PRKN: variants seen among roughly 807,000 people sequenced by gnomAD.
PRKN encodes parkin RBR E3 ubiquitin protein ligase, also known as E3 ubiquitin-protein ligase parkin.
PRKN carries 56 observed loss-of-function variants against 59.5 expected under a neutral mutation model. That is an observed-to-expected ratio of 0.94 (90% confidence interval 0.76 to 1.18). The LOEUF (loss-of-function observed/expected upper bound fraction) is 1.18, where lower values mean the gene tolerates loss of function less well. Among genes scored for constraint, PRKN ranks in the 50% most tolerant of loss-of-function variants. PRKN has a pLI of 0.00. For missense variants in PRKN, 657 were observed against 596.4 expected (o/e 1.10, Z -1.06); for synonymous variants, 250 against 222.1 (o/e 1.13, Z -1.12).
chr6:161,803,663 C>G (rs184254544), intron 6 of PRKN, among the ~76,000 whole-genome samples: 40 of 152,320 alleles, frequency 2.6e-4, no homozygotes, highest in African/African-American at 9.4e-4. Context: ...TGCCCGGTTT[C>G]TTAGTACTCA....
intron 4 of PRKN, among the ~76,000 whole-genome samples, chr6:162,104,885 G>A (rs1430464946): frequency 1.3e-5 from 2 of 152,274 alleles, no homozygotes; most frequent in African/African-American, 2.4e-5. Flanking sequence ...AAATCAGAGA[G>A]GGGAGAATAT....
intron 1 of PRKN, among the ~76,000 whole-genome samples, chr6:162,716,741 A>G (rs1342901555): frequency 1.3e-5 from 2 of 151,616 alleles, no homozygotes; most frequent in Non-Finnish European, 2.9e-5. Context: ...CAACTAGTCC[A>G]TACACCCTAC....
At chr6:162,051,794 G>C (rs1777657221) in intron 5 of PRKN, among the ~76,000 whole-genome samples, 1 of 152,148 alleles carries the variant, frequency 6.6e-6, no homozygotes, top group Admixed American at 6.5e-5. Context: ...CACTACCCTG[G>C]AGCAAATCCA....
intron 7 of PRKN, among the ~76,000 whole-genome samples, chr6:161,769,312 C>G (rs1205314564): frequency 6.6e-6 from 1 of 151,954 alleles, no homozygotes; most frequent in Non-Finnish European, 1.5e-5. Context: ...TTTTATATAC[C>G]ATCTGATTTA....
chr6:161,638,374 AT>A (rs2128157477), intron 7 of PRKN, among the ~76,000 whole-genome samples: 1 of 152,228 alleles, frequency 6.6e-6, no homozygotes, highest in Non-Finnish European at 1.5e-5. Flanking sequence ...AGCTCAGGCA[AT>A]CTTCCTGCCT....
At chr6:161,871,054 A>AT (rs1794321542) in intron 6 of PRKN, among the ~76,000 whole-genome samples, 1 of 133,634 alleles carries the variant, frequency 7.5e-6, no homozygotes, top group Non-Finnish European at 1.6e-5. Flanking sequence ...GAGGATGAGG[A>AT]GAGAGAGAGA....
chr6:162,485,229 G>T (rs551535299), intron 1 of PRKN, among the ~76,000 whole-genome samples: 1 of 152,170 alleles, frequency 6.6e-6, no homozygotes, highest in African/African-American at 2.4e-5. Flanking sequence ...TCAATTCAAA[G>T]CTCATGATCA....
At chr6:162,060,565 C>A (rs1282532530) in intron 4 of PRKN, among the ~76,000 whole-genome samples, 1 of 152,142 alleles carries the variant, frequency 6.6e-6, no homozygotes, top group Non-Finnish European at 1.5e-5. Context: ...ATCTGAAAGC[C>A]ATTTTGGCTA....
rs2315550 is a variant in PRKN at position 161,640,337 on chromosome 6, T to A, written c.872-70921A>T. On this transcript the variant is annotated intron_variant, in intron 7 of 11. Transcript: ENST00000366898. The stretch of plus-strand genomic sequence containing the variant: ...GCTTCTAAAACATATACAGATAAAG[T>A]GAAAATTCCAAAACTTTATGGAGCA... Among the ~76,000 whole-genome samples, 76 of 151,942 alleles carry A rather than the reference T, an allele frequency of 5.0e-4. 2 individuals are homozygous for A. The highest frequency in any genetic ancestry group is 6.8e-3 in the Middle Eastern group (2 of 294).
At chr6:162,111,810 C>A (rs1157571231) in intron 4 of PRKN, among the ~76,000 whole-genome samples, 1 of 152,144 alleles carries the variant, frequency 6.6e-6, no homozygotes, top group Non-Finnish European at 1.5e-5. Flanking sequence ...AGCCTCTGAG[C>A]AGCTGGATTT....
At position 162,384,656 on chromosome 6, in the gene PRKN, A is replaced by AAC. The variant is rs796081376; in HGVS notation, c.171+58653_171+58654insGT. Among the ~76,000 whole-genome samples the AAC allele has an allele frequency of 5.2e-3, 744 of 144,034 alleles. 6 individuals carry two copies. Among genetic ancestry groups the AAC allele is most frequent in the African/African-American group, 0.018 (711 of 38,748 alleles). The allele number at this position is 144,034 out of a possible 152,430, so 94.5% of individuals were successfully genotyped here. A position where few individuals can be genotyped will look rare whatever the true frequency, so the allele number is the denominator to read the frequency against. On this transcript the variant is annotated intron_variant, in intron 2 of 11. Transcript: ENST00000366898. Reference sequence around the variant, plus strand: ...ACAAAGCTTCAATTTGTAAAAAAAAAAAAAAACAAAAAAAAAAAACACTCA... The same window carrying AAC: ...ACAAAGCTTCAATTTGTAAAAAAAAAACAAAAAACAAAAAAAAAAAACACTCA...
At chr6:162,047,686 T>G (rs1183517272) in intron 5 of PRKN, among the ~76,000 whole-genome samples, 1 of 152,160 alleles carries the variant, frequency 6.6e-6, no homozygotes, top group Non-Finnish European at 1.5e-5. Context: ...GGATAGTAAT[T>G]TGATCAAACT....
rs1050560201 is a variant in PRKN at position 161,521,289 on chromosome 6, G to A, written c.1083+27565C>T. 3.9e-5 allele frequency among the ~76,000 whole-genome samples: 6 copies of A among 152,122 alleles called. 1 individual carries two copies. The highest frequency in any genetic ancestry group is 4.2e-4 in the South Asian group (2 of 4,818). ...TACATATATTCATTTTGCACTATAT[G>A]GAATTACATATTTTTCATTTCCAAG... On this transcript the variant is annotated intron_variant, in intron 9 of 11. Transcript: ENST00000366898.
chr6:161,492,715 C>A (rs1583148153), intron 9 of PRKN, among the ~76,000 whole-genome samples: 1 of 152,158 alleles, frequency 6.6e-6, no homozygotes, highest in East Asian at 1.9e-4. Context: ...TTCTTGCTAG[C>A]ATGGAAAGTG....
intron 6 of PRKN, among the ~76,000 whole-genome samples, chr6:161,868,422 T>C (rs1794211887): frequency 6.6e-6 from 1 of 151,688 alleles, no homozygotes; most frequent in Non-Finnish European, 1.5e-5. Flanking sequence ...CTACTAAAAA[T>C]ACAAAAAAAT....
intron 7 of PRKN, among the ~76,000 whole-genome samples, chr6:161,653,134 T>C (rs146945276): frequency 0.02 from 3,032 of 151,976 alleles, 87 homozygotes; most frequent in African/African-American, 0.07. Context: ...GAGGCCGAGG[T>C]GGGTGGATCA....
At chr6:162,313,614 A>C (rs2128118891) in intron 2 of PRKN, among the ~76,000 whole-genome samples, 1 of 152,058 alleles carries the variant, frequency 6.6e-6, no homozygotes, top group Middle Eastern at 3.4e-3. Context: ...CAGCCTCCCA[A>C]GTAGCTGGGA....
chr6:162,236,344 C>A (rs1778711005), intron 3 of PRKN, among the ~76,000 whole-genome samples: 1 of 152,194 alleles, frequency 6.6e-6, no homozygotes, highest in South Asian at 2.1e-4. Context: ...ATCCTCAGAA[C>A]CCTGACCTCA....
intron 9 of PRKN, among the ~76,000 whole-genome samples, chr6:161,482,698 G>A (rs189346895): frequency 1.3e-5 from 2 of 152,322 alleles, no homozygotes; most frequent in Non-Finnish European, 2.9e-5. Flanking sequence ...AACTGAGTAC[G>A]TGGCTGTTCT....
Sources: gnomAD v4.1 joint callset for allele counts (sites outside exome capture counted in the v4.1 genomes callset) on GRCh38, gnomAD v4.1.1 for gene constraint, MANE v1.5 for transcripts, NCBI Gene and HGNC (gene_info 2026-07-23, HGNC 2026-07-21) for gene names.